The following ZNF493 variants were observed in gnomAD, a reference collection of about 807,000 sequenced individuals.
The protein encoded by ZNF493 is zinc finger protein 493.
ZNF493 carries 11 observed loss-of-function variants against 12.2 expected under a neutral mutation model. That is an observed-to-expected ratio of 0.90 (90% CI 0.57 to 1.50). ZNF493 has a LOEUF of 1.50. Among genes scored for constraint, ZNF493 ranks in the 40% most tolerant of loss-of-function variants. ZNF493 has a pLI of 0.00. For synonymous variants in ZNF493, 286 were observed against 302.6 expected (o/e 0.95, Z 0.57); for missense variants, 950 against 906.6 (o/e 1.05, Z -0.61).
Position 21,405,248 on chromosome 19 carries a change from C to A in ZNF493, c.150C>A (p.Val50=). 6.2e-7 allele frequency: 1 copy of A among 1,612,996 alleles called. No individual in the cohort carries two copies. The highest frequency in any genetic ancestry group is 1.7e-5 in the Admixed American group (1 of 59,686). ...KVMLENYRNL[V]FLGIAVSKPD... is the part of the protein sequence containing the mutation. ...TGTTAGAGAACTACAGAAACCTGGT[C>A]TTCTTGGGTGAGAATAACTTTAATA... Residue 50 remains valine, a synonymous_variant, in exon 2 of 4, where the codon GTC becomes GTA. Coordinates refer to ENST00000392288, the MANE Select transcript of ZNF493 (RefSeq NM_001076678.3).
intron 3 of ZNF493, among the ~76,000 whole-genome samples, chr19:21,411,364 A>G (rs1022844213): frequency 6.6e-6 from 1 of 152,106 alleles, no homozygotes; most frequent in African/African-American, 2.4e-5. Context: ...ATCAGAAAGT[A>G]TAATGTCTCT....
chr19:21,418,922 T>C (rs374731103), intron 3 of ZNF493, among the ~76,000 whole-genome samples: 12 of 152,198 alleles, frequency 7.9e-5, no homozygotes, highest in Non-Finnish European at 1.3e-4. Context: ...GTGGGCGTTA[T>C]GGCCATCATG....
At position 21,423,172 on chromosome 19, in the gene ZNF493, A is replaced by G. The variant is rs2030734569; in HGVS notation, c.513A>G (p.Arg171=). ...TTCATAAACTTTTAAATTCAAATAG[A>G]CATAACACAAAACATACTGGAAAGA... ...KVFHKLLNSN[R]HNTKHTGKKP... is the part of the protein sequence containing the mutation. Residue 171 remains arginine, a synonymous_variant, in exon 4 of 4, where the codon AGA becomes AGG. Transcript: ENST00000392288. 4 of 1,613,726 alleles carry G rather than the reference A, an allele frequency of 2.5e-6. No homozygotes were observed. Among genetic ancestry groups the G allele is most frequent in the Non-Finnish European group, 3.4e-6 (4 of 1,179,820 alleles).
chr19:21,412,727 A>T, intron 3 of ZNF493: 1 of 256,808 alleles, frequency 3.9e-6, no homozygotes, highest in East Asian at 1.4e-4. Flanking sequence ...AGCTCCATTA[A>T]GCACTCCAGT....
intron 3 of ZNF493, among the ~76,000 whole-genome samples, chr19:21,419,414 G>A (rs2030588938): frequency 6.6e-6 from 1 of 152,148 alleles, no homozygotes; most frequent in Non-Finnish European, 1.5e-5. Flanking sequence ...TAACTCACAT[G>A]ATCACAAGGT....
Position 21,427,104 on chromosome 19 carries a change from G to A in ZNF493, c.*2120G>A, listed in dbSNP as rs927846251. Reference sequence around the variant, plus strand: ...TGAGAGATTCTTCTTCATTAGATGGGCATTATTTATGATCTTTTCTATGGA... The same window carrying A: ...TGAGAGATTCTTCTTCATTAGATGGACATTATTTATGATCTTTTCTATGGA... On this transcript the variant is annotated 3_prime_UTR_variant, in exon 4 of 4. Transcript: ENST00000392288. 2.4e-5 allele frequency: 4 copies of A among 166,810 alleles called. No homozygotes were observed. The highest frequency in any genetic ancestry group is 7.2e-5 in the African/African-American group (3 of 41,396). The allele number at this position is 166,810 out of a possible 1,614,324, so 10.3% of individuals were successfully genotyped here.
intron 3 of ZNF493, among the ~76,000 whole-genome samples, chr19:21,416,282 T>G (rs770023759): frequency 6.6e-6 from 1 of 152,158 alleles, no homozygotes; most frequent in Non-Finnish European, 1.5e-5. Context: ...CATACCCCAT[T>G]TCATGCATTG....
chr19:21,405,460 G>C, intron 2 of ZNF493: 10 of 1,395,732 alleles, frequency 7.2e-6, no homozygotes, highest in Non-Finnish European at 5.6e-6. Flanking sequence ...TTCTGAGCCG[G>C]TCTGTATCCT....
At chr19:21,408,319 G>C in intron 3 of ZNF493, 1 of 630,660 alleles carries the variant, frequency 1.6e-6, no homozygotes, top group Non-Finnish European at 2.0e-6. Context: ...AGTGGAGACG[G>C]GGTTTCACCA....
chr19:21,399,306 G>T (rs1268407505), intron 1 of ZNF493, among the ~76,000 whole-genome samples: 4 of 152,148 alleles, frequency 2.6e-5, no homozygotes, highest in African/African-American at 4.8e-5. Flanking sequence ...GACTACAGGT[G>T]CCTGACACCA....
At position 21,423,034 on chromosome 19, in the gene ZNF493, A is replaced by G. The variant is rs376323123; in HGVS notation, c.375A>G (p.Gly125=). The change falls in exon 4 of 4, where the codon GGA becomes GGG. Residue 125 remains glycine (G), a synonymous_variant. Transcript: ENST00000392288. ...CGHKDLQLRK[G]CKSMNECNVH... ...ATAAGGATTTACAGTTAAGAAAAGG[A>G]TGTAAAAGTATGAATGAGTGTAATG... The G allele has an allele frequency of 6.2e-7, 1 of 1,613,520 alleles. No homozygotes were observed. Among genetic ancestry groups the G allele is most frequent in the Middle Eastern group, 1.7e-4 (1 of 6,050 alleles).
chr19:21,422,973 A>C lies in ZNF493; in HGVS notation c.314A>C (p.Gln105Pro). Residue 105 changes from glutamine to proline, a missense_variant, in exon 4 of 4, where the codon CAA (glutamine) becomes CCA (proline). Transcript: ENST00000392288. ...CPGPGIKDSF[Q>P]KVILREYVKC... is the part of the protein sequence containing the mutation. ...GGGCCAGGCATTAAAGATTCTTTTC[A>C]AAAAGTGATACTGAGAGAATATGTA... 1 of 1,599,184 alleles carries C rather than the reference A, an allele frequency of 6.3e-7. No individual in the cohort carries two copies. The highest frequency in any genetic ancestry group is 8.5e-7 in the Non-Finnish European group (1 of 1,174,462).
chr19:21,420,592 TATATATATATATATATATATATATATA>T (rs2030629748), intron 3 of ZNF493, among the ~76,000 whole-genome samples: 4 of 6,622 alleles, frequency 6.0e-4, no homozygotes, highest in African/African-American at 4.0e-3. Context: ...CTCACTTGAT[TATATATATATATATATATATATATATA>T]TATATTTTTT....
Position 21,426,343 on chromosome 19 carries a change from T to C in ZNF493, c.*1359T>C, listed in dbSNP as rs568780261. ...GAAAATCATTTATATTTGAGAAAAA[T>C]TGTAGAAATATAGACTGTGAAAAAG... On this transcript the variant is annotated 3_prime_UTR_variant, in exon 4 of 4. Transcript: ENST00000392288. 1 of 177,182 alleles carries C rather than the reference T, an allele frequency of 5.6e-6. No individual in the cohort carries two copies. The highest frequency in any genetic ancestry group is 1.4e-5 in the Non-Finnish European group (1 of 73,950). The allele number at this position is 177,182 out of a possible 1,614,324, so 11.0% of individuals were successfully genotyped here.
intron 3 of ZNF493, among the ~76,000 whole-genome samples, chr19:21,406,782 T>C (rs1425431679): frequency 6.6e-6 from 1 of 152,082 alleles, no homozygotes. Context: ...TTTATTGTAG[T>C]TTTTTGTAAA....
intron 2 of ZNF493, 181 bp from the exon 3 acceptor site, chr19:21,405,580 C>T (rs1294012839): frequency 5.3e-6 from 6 of 1,134,324 alleles, no homozygotes; most frequent in Non-Finnish European, 7.0e-6. Context: ...TACTGGGTGG[C>T]AAAATTAAGC....
chr19:21,406,604 C>T (rs1313724166), intron 3 of ZNF493, among the ~76,000 whole-genome samples: 2 of 152,076 alleles, frequency 1.3e-5, no homozygotes, highest in Non-Finnish European at 2.9e-5. Flanking sequence ...TGCATCATTT[C>T]TAAAATGTAT....
chr19:21,401,925 C>T (rs1382135627), intron 1 of ZNF493, among the ~76,000 whole-genome samples: 5 of 148,412 alleles, frequency 3.4e-5, no homozygotes, highest in Admixed American at 1.3e-4. Flanking sequence ...CCACCATGCC[C>T]GGTCAGCTAT....
Position 21,424,225 on chromosome 19 carries a change from T to C in ZNF493, c.1566T>C (p.Cys522=). The change falls in exon 4 of 4, where the codon TGT becomes TGC. Residue 522 remains cysteine, a synonymous_variant. Transcript: ENST00000392288. Reference sequence around the variant, plus strand: ...AAAAACCCTACAAATGTGAAGAATGTGGCAAAGCTTTTAAACGATCTTCAA... The same window carrying C: ...AAAAACCCTACAAATGTGAAGAATGCGGCAAAGCTTTTAAACGATCTTCAA... ...TGEKPYKCEE[C]GKAFKRSSTL... is the part of the protein sequence containing the mutation. The C allele has an allele frequency of 6.2e-7, 1 of 1,612,654 alleles. No homozygotes were observed.
Sources: gnomAD v4.1 joint callset for allele counts (sites outside exome capture counted in the v4.1 genomes callset) on GRCh38, gnomAD v4.1.1 for gene constraint, MANE v1.5 for transcripts, NCBI Gene and HGNC (gene_info 2026-07-23, HGNC 2026-07-21) for gene names.